Variants in GRID1 observed in about 807,000 individuals in gnomAD.
GRID1 encodes the protein glutamate ionotropic receptor delta type subunit 1, also known as glutamate receptor ionotropic, delta-1.
Under a neutral mutation model 98.0 loss-of-function variants are expected in GRID1, and 28 were observed. The ratio of observed to expected loss-of-function variants is 0.29; its 90% CI spans 0.21 to 0.39. The LOEUF (loss-of-function observed/expected upper bound fraction) is 0.39. GRID1 is among the 10% of genes least tolerant of loss of function. The pLI, the probability that GRID1 is intolerant of heterozygous loss-of-function variation, is 1.00. For missense variants in GRID1, 1,111 were observed against 1,340.5 expected (o/e 0.83, Z 2.67); for synonymous variants, 553 against 538.5 (o/e 1.03, Z -0.37).
intron 8 of GRID1, among the ~76,000 whole-genome samples, chr10:85,791,609 A>G (rs953589749): frequency 6.6e-6 from 1 of 152,176 alleles, no homozygotes; most frequent in East Asian, 1.9e-4. Context: ...ATGTCCCCAA[A>G]TCATGAGTAA....
chr10:86,352,839 C>A (rs974176425), intron 2 of GRID1, among the ~76,000 whole-genome samples: 1 of 152,184 alleles, frequency 6.6e-6, no homozygotes, highest in Admixed American at 6.5e-5. Context: ...GAGGGCCACT[C>A]CCTGGGGTGG....
chr10:86,113,951 G>A (rs145122554), intron 4 of GRID1, among the ~76,000 whole-genome samples: 32 of 152,278 alleles, frequency 2.1e-4, no homozygotes, highest in African/African-American at 5.5e-4. Context: ...TTCCTTAATC[G>A]ATGGTGAGTT....
chr10:85,657,595 C>T (rs934951495), intron 12 of GRID1, among the ~76,000 whole-genome samples: 2 of 152,198 alleles, frequency 1.3e-5, no homozygotes, highest in African/African-American at 2.4e-5. Context: ...CCCTTCAGGA[C>T]AACTGTGAGT....
In GRID1 at chr10:85,863,534, G is replaced by A. The variant is rs112126217; in HGVS notation, c.951+5476C>T. Among the ~76,000 whole-genome samples the A allele has an allele frequency of 3.8e-3, 575 of 152,344 alleles. 2 individuals are homozygous for A. The highest frequency in any genetic ancestry group is 0.013 in the African/African-American group (544 of 41,578). On this transcript the variant is annotated intron_variant, in intron 6 of 15. Coordinates refer to ENST00000327946, the MANE Select transcript of GRID1 (RefSeq NM_017551.3). The stretch of plus-strand genomic sequence containing the variant: ...TTTCCACCTGGGCAAGCACTGGGCA[G>A]GGTAGAGGCAGGCACATTGGAAGCC...
At chr10:86,245,383 T>C (rs1846707210) in intron 2 of GRID1, among the ~76,000 whole-genome samples, 1 of 152,208 alleles carries the variant, frequency 6.6e-6, no homozygotes, top group Non-Finnish European at 1.5e-5. Flanking sequence ...CCTGTCACCA[T>C]CATCACTGCA....
chr10:86,164,287 G>C (rs1408509014), intron 3 of GRID1, among the ~76,000 whole-genome samples: 1 of 152,198 alleles, frequency 6.6e-6, no homozygotes, highest in East Asian at 1.9e-4. Context: ...AGGAAAGAGA[G>C]GTTCAGAACC....
At chr10:86,254,031 G>A (rs1053777248) in intron 2 of GRID1, among the ~76,000 whole-genome samples, 13 of 151,498 alleles carry the variant, frequency 8.6e-5, no homozygotes, top group East Asian at 3.9e-4. Flanking sequence ...ACCTGTCACC[G>A]CCACCCCCTT....
chr10:85,951,294 A>T (rs766103739), intron 4 of GRID1, among the ~76,000 whole-genome samples: 1 of 152,172 alleles, frequency 6.6e-6, no homozygotes, highest in Non-Finnish European at 1.5e-5. Flanking sequence ...ATGTGATGGG[A>T]TGGAATCAGA....
chr10:86,145,594 C>T (rs1262195819), intron 3 of GRID1, among the ~76,000 whole-genome samples: 1 of 140,290 alleles, frequency 7.1e-6, no homozygotes, highest in African/African-American at 2.9e-5. Flanking sequence ...GGGATGCTCC[C>T]AATTTGAAAT....
At chr10:86,291,942 G>A (rs1343170812) in intron 2 of GRID1, among the ~76,000 whole-genome samples, 5 of 152,182 alleles carry the variant, frequency 3.3e-5, no homozygotes, top group Admixed American at 3.3e-4. Context: ...GGCCCTTTGA[G>A]AAGGACTCAA....
rs147811926 is a variant in GRID1 at position 85,813,229 on chromosome 10, C to T, written c.1233+41267G>A. ...ATAAAATATATATATATATAAATTACGGATTCAAGACAGTCAGTGAACTCC... is the reference window on the plus strand; with the variant it reads ...ATAAAATATATATATATATAAATTATGGATTCAAGACAGTCAGTGAACTCC... On this transcript the variant is annotated intron_variant, in intron 8 of 15. Transcript: ENST00000327946. 4.7e-3 allele frequency among the ~76,000 whole-genome samples: 708 copies of T among 151,092 alleles called. 17 individuals are homozygous for T. The highest frequency in any genetic ancestry group is 0.04 in the Admixed American group (608 of 15,178).
chr10:86,223,977 C>T (rs1361015719), intron 2 of GRID1, among the ~76,000 whole-genome samples: 1 of 152,212 alleles, frequency 6.6e-6, no homozygotes, highest in African/African-American at 2.4e-5. Flanking sequence ...GGCTAAGGAC[C>T]AGCAGGTGAT....
At chr10:85,634,249 C>CCTCTCTCCCTCTCTCTCT (rs1554860993) in intron 13 of GRID1, among the ~76,000 whole-genome samples, 1 of 92,314 alleles carries the variant, frequency 1.1e-5, no homozygotes, top group Non-Finnish European at 2.1e-5. Flanking sequence ...TGATGGGGCA[C>CCTCTCTCCCTCTCTCTCT]CTCTCTCTCT....
intron 4 of GRID1, among the ~76,000 whole-genome samples, chr10:85,928,098 A>G (rs1226094795): frequency 1.3e-5 from 2 of 152,218 alleles, no homozygotes; most frequent in Admixed American, 1.3e-4. Flanking sequence ...GATAGGCTCA[A>G]TGAGGAAGAT....
chr10:86,350,873 G>C (rs1848452600), intron 2 of GRID1, among the ~76,000 whole-genome samples: 1 of 152,068 alleles, frequency 6.6e-6, no homozygotes, highest in Non-Finnish European at 1.5e-5. Context: ...GCAGTGCTCT[G>C]GACCACTAGA....
At chr10:85,727,764 A>G in intron 10 of GRID1, 91 bp downstream of exon 10, 1 of 946,966 alleles carries the variant, frequency 1.1e-6, no homozygotes, top group South Asian at 1.4e-5. Flanking sequence ...AGCTGGTCCC[A>G]AGGTTTCCAC....
intron 12 of GRID1, among the ~76,000 whole-genome samples, chr10:85,720,357 A>G (rs563127245): frequency 6.6e-6 from 1 of 152,274 alleles, no homozygotes; most frequent in African/African-American, 2.4e-5. Context: ...TGCACGTCCT[A>G]GAATAGCTAA....
At chr10:86,160,728 T>TCCCC (rs1397425575) in intron 3 of GRID1, among the ~76,000 whole-genome samples, 29 of 152,306 alleles carry the variant, frequency 1.9e-4, no homozygotes, top group African/African-American at 7.0e-4. Flanking sequence ...CTTGCAAGAG[T>TCCCC]CCTTCCAGGG....
At chr10:85,854,700 T>A in intron 7 of GRID1, 85 bp from the exon 8 acceptor site, 1 of 1,420,416 alleles carries the variant, frequency 7.0e-7, no homozygotes, top group Non-Finnish European at 9.9e-7. Context: ...AAGGAAGTGG[T>A]CACCAAGAAC....
Sources: allele counts gnomAD v4.1 joint callset (sites outside exome capture counted in the v4.1 genomes callset), GRCh38; gene constraint gnomAD v4.1.1; transcripts MANE v1.5; gene names NCBI Gene and HGNC (gene_info 2026-07-23, HGNC 2026-07-21).